DMD: variants seen among roughly 807,000 people sequenced by gnomAD.
DMD encodes dystrophin.
Under a neutral mutation model 330.1 loss-of-function variants are expected in DMD, and 63 were observed. The ratio of observed to expected loss-of-function variants is 0.19; its 90% confidence interval spans 0.16 to 0.24. The LOEUF is 0.24. Among genes scored for constraint, DMD ranks in the 10% least tolerant of loss-of-function variants. The probability of loss-of-function intolerance (pLI) is 1.00; values close to 1 mark genes in which losing one functional copy is unlikely to be tolerated. For missense variants in DMD, 3,344 were observed against 2,684.1 expected (o/e 1.25, Z -5.43); for synonymous variants, 1,223 against 959.8 (o/e 1.27, Z -5.07).
chrX:32,017,932 T>G (rs754478794), intron 44 of DMD, among the ~76,000 whole-genome samples: 1 of 111,739 alleles, frequency 8.9e-6, no homozygotes, highest in Non-Finnish European at 1.9e-5. Context: ...TTTTTCCCCC[T>G]TCTAATACTA....
rs1343179434 is a variant in DMD, at chrX:31,344,711, G to A, written c.9163+3845C>T. Reference sequence around the variant, plus strand: ...TAAAAATACAAAAAATTAGCCAAGCGTGGTGGCGTATTCCTGTAATCCCAG... The same window carrying A: ...TAAAAATACAAAAAATTAGCCAAGCATGGTGGCGTATTCCTGTAATCCCAG... On this transcript the variant is annotated intron_variant, in intron 61 of 78. Transcript: ENST00000357033. Among the ~76,000 whole-genome samples the A allele has an allele frequency of 4.5e-5, 5 of 110,380 alleles. No homozygotes were observed. The Admixed American group carries it at 4.9e-4, about 11-fold the overall frequency.
At chrX:32,859,364 A>T (rs1603449846) in intron 2 of DMD, among the ~76,000 whole-genome samples, 1 of 108,353 alleles carries the variant, frequency 9.2e-6, no homozygotes. Flanking sequence ...ACTACTCGAG[A>T]GGCTGAGGCA....
chrX:32,255,953 G>T (rs2097296804), intron 43 of DMD, among the ~76,000 whole-genome samples: 1 of 111,749 alleles, frequency 8.9e-6, no homozygotes, highest in Non-Finnish European at 1.9e-5. Flanking sequence ...GAAATCATTT[G>T]TCCTCCAAAA....
At chrX:32,184,166 TG>T (rs1413275103) in intron 44 of DMD, among the ~76,000 whole-genome samples, 3 of 71,372 alleles carry the variant, frequency 4.2e-5, no homozygotes, top group African/African-American at 9.8e-5. Flanking sequence ...ACACAATGAG[TG>T]TTTTTTTTCT....
chrX:33,050,008 G>A (rs187991275), intron 1 of DMD, among the ~76,000 whole-genome samples: 1 of 111,256 alleles, frequency 9.0e-6, no homozygotes, highest in East Asian at 2.8e-4. Flanking sequence ...ATATTAAAAC[G>A]TGTATTTAAA....
intron 5 of DMD, among the ~76,000 whole-genome samples, chrX:32,819,359 C>T (rs946461246): frequency 1.8e-5 from 2 of 110,562 alleles, no homozygotes; most frequent in Non-Finnish European, 3.8e-5. Flanking sequence ...CTTGAATTGT[C>T]CAGTAAAAGT....
intron 1 of DMD, among the ~76,000 whole-genome samples, chrX:33,036,914 C>A (rs1261007085): frequency 9.1e-6 from 1 of 110,007 alleles, no homozygotes; most frequent in Non-Finnish European, 1.9e-5. Context: ...CCTTCAACTG[C>A]GAGATATAAA....
chrX:31,971,218 A>G (rs749789142), intron 44 of DMD, among the ~76,000 whole-genome samples: 2 of 111,982 alleles, frequency 1.8e-5, no homozygotes, highest in Non-Finnish European at 3.8e-5. Context: ...TTAAGCAATC[A>G]AGGAATTCTT....
chrX:32,936,426 A>C (rs893640298), intron 2 of DMD, among the ~76,000 whole-genome samples: 11 of 111,583 alleles, frequency 9.9e-5, no homozygotes, highest in African/African-American at 3.6e-4. Flanking sequence ...TGTATCTCTT[A>C]ATCCCATCAT....
At position 32,729,653 on chromosome X, in the gene DMD, A is replaced by C. The variant is rs751421402; in HGVS notation, c.650-30360T>G. ...GTTTTTGTTAAAAAGAAATATGCCA[A>C]ATTTAATAGAGTATCATAGATGAAG... On this transcript the variant is annotated intron_variant, in intron 7 of 78. Coordinates refer to ENST00000357033, the MANE Select transcript of DMD (RefSeq NM_004006.3). Among the ~76,000 whole-genome samples the C allele has an allele frequency of 4.5e-5, 5 of 112,062 alleles. No individual in the cohort carries two copies. The South Asian group carries it at 1.5e-3, about 33-fold the overall frequency.
chrX:31,687,677 A>G (rs2082777872), intron 52 of DMD, among the ~76,000 whole-genome samples: 1 of 111,816 alleles, frequency 8.9e-6, no homozygotes, highest in African/African-American at 3.2e-5. Flanking sequence ...AAGGTTTTTG[A>G]CTCCAATGAC....
chrX:32,776,163 A>G (rs966446835), intron 7 of DMD, among the ~76,000 whole-genome samples: 1 of 110,839 alleles, frequency 9.0e-6, no homozygotes, highest in Non-Finnish European at 1.9e-5. Flanking sequence ...CCTCATCTCC[A>G]TCTGAGACTA....
chrX:31,328,764 G>C (rs1016389806), intron 61 of DMD, among the ~76,000 whole-genome samples: 2 of 110,363 alleles, frequency 1.8e-5, no homozygotes, highest in African/African-American at 6.9e-5. Flanking sequence ...TTTGTAAAAT[G>C]TTAATCACCA....
intron 16 of DMD, among the ~76,000 whole-genome samples, chrX:32,550,514 G>A (rs1391357350): frequency 9.0e-6 from 1 of 110,932 alleles, no homozygotes; most frequent in African/African-American, 3.3e-5. Flanking sequence ...CAAGCTTATG[G>A]CACGAAACAC....
At chrX:32,662,497 C>T (rs2061010136) in intron 9 of DMD, among the ~76,000 whole-genome samples, 1 of 111,542 alleles carries the variant, frequency 9.0e-6, no homozygotes, top group Non-Finnish European at 1.9e-5. Context: ...TGTGCCTAGG[C>T]CTGAAAGTAC....
At chrX:31,436,121 C>T (rs2064507408) in intron 60 of DMD, among the ~76,000 whole-genome samples, 1 of 111,080 alleles carries the variant, frequency 9.0e-6, no homozygotes, top group Non-Finnish European at 1.9e-5. Context: ...TATTTAAACA[C>T]ATTTACTAGG....
intron 44 of DMD, among the ~76,000 whole-genome samples, chrX:32,162,433 T>C (rs1364118379): frequency 9.0e-6 from 1 of 110,757 alleles, no homozygotes; most frequent in Non-Finnish European, 1.9e-5. Context: ...ATCCTTATGT[T>C]CTTGCTGTAT....
intron 60 of DMD, among the ~76,000 whole-genome samples, chrX:31,414,820 A>T: frequency 8.9e-6 from 1 of 111,940 alleles, no homozygotes; most frequent in South Asian, 3.7e-4. Context: ...GCAGGCATGC[A>T]CACACACACA....
intron 76 of DMD, among the ~76,000 whole-genome samples, chrX:31,137,981 A>G (rs762951262): frequency 7.1e-5 from 8 of 112,063 alleles, no homozygotes; most frequent in African/African-American, 2.6e-4. Context: ...CACAGCAAGA[A>G]GTCTAATGTA....
Sources: allele counts gnomAD v4.1 joint callset (sites outside exome capture counted in the v4.1 genomes callset), GRCh38; gene constraint gnomAD v4.1.1; transcripts MANE v1.5; gene names NCBI Gene and HGNC (gene_info 2026-07-23, HGNC 2026-07-21).